ATRX: variants seen among roughly 807,000 people sequenced by gnomAD.
ATRX encodes chromatin remodeler ATRX.
In ATRX, 12 loss-of-function variants were observed where a neutral mutation model predicts 172.6. That is an observed-to-expected ratio of 0.07 (90% CI 0.04 to 0.11). The LOEUF is 0.11. ATRX is among the 10% of genes least tolerant of loss of function. ATRX has a pLI of 1.00. For missense variants in ATRX, 1,368 were observed against 1,767.4 expected (o/e 0.77, Z 4.05); for synonymous variants, 674 against 594.7 (o/e 1.13, Z -1.94).
At chrX:77,550,996 C>A (rs1396976869) in intron 30 of ATRX, among the ~76,000 whole-genome samples, 3 of 111,689 alleles carry the variant, frequency 2.7e-5, no homozygotes, top group African/African-American at 9.8e-5. Context: ...ACATTCCATG[C>A]TCATGGATAG....
chrX:77,659,500 C>T (rs2069750090), intron 12 of ATRX, among the ~76,000 whole-genome samples: 1 of 106,606 alleles, frequency 9.4e-6, no homozygotes, highest in Admixed American at 1.0e-4. Flanking sequence ...CACACACACA[C>T]ACACACACAC....
At chrX:77,581,456 A>C (rs1324520334) in intron 27 of ATRX, among the ~76,000 whole-genome samples, 4 of 112,240 alleles carry the variant, frequency 3.6e-5, no homozygotes, top group African/African-American at 1.3e-4. Context: ...AAAAACTGTA[A>C]GAAGAGACAA....
At chrX:77,542,575 A>G (rs2064050371) in intron 30 of ATRX, among the ~76,000 whole-genome samples, 1 of 111,829 alleles carries the variant, frequency 8.9e-6, no homozygotes, top group African/African-American at 3.3e-5. Context: ...CTATACCACA[A>G]TGCTCCAGTA....
At chrX:77,623,287 C>T (rs2067676335) in intron 19 of ATRX, among the ~76,000 whole-genome samples, 1 of 111,214 alleles carries the variant, frequency 9.0e-6, no homozygotes, top group Non-Finnish European at 1.9e-5. Flanking sequence ...AATACCTTTA[C>T]GCACATAAAC....
intron 30 of ATRX, among the ~76,000 whole-genome samples, chrX:77,552,428 C>T (rs1557056785): frequency 1.2e-5 from 1 of 85,057 alleles, no homozygotes. Flanking sequence ...CACTTGGACA[C>T]AGGAAGGAGA....
rs2062703731 is a variant in ATRX at position 77,506,249 on chromosome X, A to G, written c.*2102T>C. On this transcript the variant is annotated 3_prime_UTR_variant, in exon 35 of 35. Coordinates refer to ENST00000373344, the MANE Select transcript of ATRX (RefSeq NM_000489.6). ...TTTTTTGTCTTTAAATATTTGTTAA[A>G]GCTTGATGTTATACTCAAAGTACAT... 5.8e-6 allele frequency: 1 copy of G among 171,316 alleles called. No individual in the cohort carries two copies. Among genetic ancestry groups the G allele is most frequent in the Non-Finnish European group, 1.1e-5 (1 of 89,489 alleles). 14.1% of individuals were successfully genotyped at this position (171,316 alleles called of 1,213,427 possible).
intron 30 of ATRX, among the ~76,000 whole-genome samples, chrX:77,555,703 CAG>C (rs2147931376): frequency 9.2e-6 from 1 of 109,176 alleles, no homozygotes; most frequent in East Asian, 2.9e-4. Context: ...TGGGGCCTGT[CAG>C]GGGGTGGGGG....
At chrX:77,715,055 T>C (rs1418891885) in intron 2 of ATRX, among the ~76,000 whole-genome samples, 2 of 111,821 alleles carry the variant, frequency 1.8e-5, no homozygotes, top group Non-Finnish European at 3.8e-5. Flanking sequence ...TTCACTCCAG[T>C]GTAGGTCTGT....
At chrX:77,675,010 T>A (rs1313610000) in intron 10 of ATRX, 1 of 112,079 alleles carries the variant, frequency 8.9e-6, no homozygotes, top group Non-Finnish European at 1.9e-5. Context: ...TTCACCTTAA[T>A]AAAAACATTC....
chrX:77,750,721 T>C (rs1159002331), intron 1 of ATRX, among the ~76,000 whole-genome samples: 2 of 104,633 alleles, frequency 1.9e-5, no homozygotes, highest in Non-Finnish European at 3.9e-5. Flanking sequence ...AACGTTCCCC[T>C]CCCTGTGCCC....
At chrX:77,591,678 G>A (rs1429667052) in intron 26 of ATRX, among the ~76,000 whole-genome samples, 1 of 111,769 alleles carries the variant, frequency 8.9e-6, no homozygotes, top group Non-Finnish European at 1.9e-5. Flanking sequence ...ATTGACTCCT[G>A]GTGCTCAGCT....
At chrX:77,560,107 G>C (rs1425318975) in intron 28 of ATRX, among the ~76,000 whole-genome samples, 3 of 111,426 alleles carry the variant, frequency 2.7e-5, no homozygotes, top group Admixed American at 1.9e-4. Context: ...CCAGAAAGTA[G>C]AAATCACAGG....
intron 1 of ATRX, among the ~76,000 whole-genome samples, chrX:77,776,247 T>C (rs1384511268): frequency 1.8e-5 from 2 of 112,042 alleles, no homozygotes; most frequent in African/African-American, 6.5e-5. Flanking sequence ...ACAGGTCCCT[T>C]ATCTGTCTTG....
chrX:77,542,457 GA>G lies in ATRX; in HGVS notation c.6699+14993del, dbSNP rs781834064. ...ACCACTGACTTTATTCACAGAATTG[GA>G]AAAAACTACTCTAAACTTCAAATGG... On this transcript the variant is annotated intron_variant, in intron 30 of 34. Transcript: ENST00000373344. 3.3e-3 allele frequency among the ~76,000 whole-genome samples: 365 copies of G among 111,344 alleles called. 1 individual carries two copies. The highest frequency in any genetic ancestry group is 0.011 in the African/African-American group (347 of 30,692).
rs2148088043 is a variant in ATRX, at chrX:77,589,816, G to C, written c.6217+18C>G. ...TCAGTATTTTTAAAATTACGACACA[G>C]AAATATTTGTAGCTCACCTTTATAA... On this transcript the variant is annotated intron_variant, in intron 27 of 34. Coordinates refer to ENST00000373344, the MANE Select transcript of ATRX (RefSeq NM_000489.6). 1 of 1,149,081 alleles carries C rather than the reference G, an allele frequency of 8.7e-7. No individual in the cohort carries two copies. The highest frequency in any genetic ancestry group is 1.2e-6 in the Non-Finnish European group (1 of 840,506). 94.7% of individuals were successfully genotyped at this position (1,149,081 alleles called of 1,213,427 possible). A position where few individuals can be genotyped will look rare whatever the true frequency, so the allele number is the denominator to read the frequency against.
chrX:77,513,562 G>A (rs556108892), intron 34 of ATRX, among the ~76,000 whole-genome samples: 3 of 110,597 alleles, frequency 2.7e-5, no homozygotes, highest in African/African-American at 9.9e-5. Flanking sequence ...AGAACTCCAG[G>A]GGAATGAGTG....
chrX:77,631,000 T>C (rs781913957), intron 19 of ATRX, among the ~76,000 whole-genome samples: 2 of 111,087 alleles, frequency 1.8e-5, no homozygotes, highest in Non-Finnish European at 3.8e-5. Flanking sequence ...CATTTGTAAA[T>C]GTCAATTTTC....
At chrX:77,632,181 G>A (rs531573613) in intron 19 of ATRX, among the ~76,000 whole-genome samples, 1 of 109,849 alleles carries the variant, frequency 9.1e-6, no homozygotes, top group Admixed American at 9.8e-5. Context: ...TTTTTTAAAT[G>A]TCACTAAATG....
chrX:77,736,113 C>T (rs1424217259), intron 1 of ATRX, among the ~76,000 whole-genome samples: 1 of 111,578 alleles, frequency 9.0e-6, no homozygotes, highest in African/African-American at 3.3e-5. Context: ...TATGAATCCT[C>T]TACAAGAAAA....
Sources: gnomAD v4.1 joint callset for allele counts (sites outside exome capture counted in the v4.1 genomes callset) on GRCh38, gnomAD v4.1.1 for gene constraint, MANE v1.5 for transcripts, NCBI Gene and HGNC (gene_info 2026-07-23, HGNC 2026-07-21) for gene names.